Variants in FDPS observed in about 807,000 individuals in gnomAD.
The protein encoded by FDPS is farnesyl diphosphate synthase.
Under a neutral mutation model 49.5 loss-of-function variants are expected in FDPS, and 29 were observed. The observed-to-expected ratio is 0.59, with a 90% CI of 0.44 to 0.80. FDPS has a LOEUF of 0.80. FDPS is among the 30% of genes least tolerant of loss of function. The pLI is 0.00. For synonymous variants in FDPS, 172 were observed against 206.4 expected (o/e 0.83, Z 1.43); for missense variants, 414 against 525.6 (o/e 0.79, Z 2.08).
intron 4 of FDPS, among the ~76,000 whole-genome samples, chr1:155,316,336 G>A (rs996469056): frequency 6.6e-6 from 1 of 151,976 alleles, no homozygotes; most frequent in African/African-American, 2.4e-5. Context: ...ACCATGTCTT[G>A]AGCTGGGTGC....
At position 155,310,190 on chromosome 1, in the gene FDPS, T is replaced by C. The variant is rs1459110829; in HGVS notation, c.324T>C (p.Ile108=). The C allele has an allele frequency of 1.2e-6, 2 of 1,613,794 alleles. No individual in the cohort carries two copies. Among genetic ancestry groups the C allele is most frequent in the African/African-American group, 2.7e-5 (2 of 74,922 alleles). The change falls in exon 3 of 11, where the codon ATT becomes ATC. Residue 108 remains isoleucine (I), a synonymous_variant. Transcript: ENST00000368356. ...EMGHPEIGDA[I]ARLKEVLEYN... ...GGCACCCAGAGATAGGAGATGCTAT[T>C]GCCCGGCTCAAGGAGGTGAGGGATT...
At chr1:155,311,478 C>G (rs1648793099) in intron 3 of FDPS, among the ~76,000 whole-genome samples, 1 of 152,060 alleles carries the variant, frequency 6.6e-6, no homozygotes, top group Non-Finnish European at 1.5e-5. Flanking sequence ...TTTGGAGAGG[C>G]TTTGTTTTAA....
rs1220206631 is a variant in FDPS, at chr1:155,318,807, C to T, written c.774-49C>T. 1.9e-6 allele frequency: 3 copies of T among 1,582,068 alleles called. No homozygotes were observed. The highest frequency in any genetic ancestry group is 3.3e-5 in the Admixed American group (2 of 59,918). On this transcript the variant is annotated intron_variant, in intron 7 of 10. Coordinates refer to ENST00000368356, the MANE Select transcript of FDPS (RefSeq NM_002004.4). The surrounding 1 kb of genome is among the most constrained non-coding windows in gnomAD (Gnocchi z 4.2). ...CATGTCTGGACAGCGAGGGAGGGCT[C>T]AGGATGTGCATTGCCCTCCTGAGGA... is the stretch of plus-strand genomic sequence containing the variant.
chr1:155,320,207 A>G (rs1276335163), intron 10 of FDPS: 3 of 646,602 alleles, frequency 4.6e-6, no homozygotes, highest in African/African-American at 3.7e-5. Flanking sequence ...CCTGGAGTAG[A>G]GGATGCCTGG....
At chr1:155,310,810 A>C (rs1648722112) in intron 3 of FDPS, among the ~76,000 whole-genome samples, 1 of 152,198 alleles carries the variant, frequency 6.6e-6, no homozygotes, top group Admixed American at 6.5e-5. Context: ...TTAGGTTGGC[A>C]GAGACCGGGG....
chr1:155,312,848 A>G (rs1191139483), intron 4 of FDPS: 3 of 158,252 alleles, frequency 1.9e-5, no homozygotes, highest in Admixed American at 6.1e-5. Context: ...ATGTGGTGGC[A>G]CATGCCTGTA....
intron 4 of FDPS, chr1:155,312,901 C>A (rs1648946123): frequency 6.5e-6 from 1 of 152,720 alleles, no homozygotes; most frequent in Non-Finnish European, 1.5e-5. Context: ...ATCGCTTGAA[C>A]CTGGGAGGCA....
At position 155,318,554 on chromosome 1, in the gene FDPS, C is replaced by G; in HGVS notation, c.685-111C>G. 1.1e-6 allele frequency: 1 copy of G among 926,852 alleles called. No homozygotes were observed. 57.4% of individuals were successfully genotyped at this position (926,852 alleles called of 1,614,324 possible). A position where few individuals can be genotyped will look rare whatever the true frequency, so the allele number is the denominator to read the frequency against. Reference sequence around the variant, plus strand: ...TTTGGGGCTTTCTCCCCTTCTGTTGCCTTTCTGATTCTGCCCAGTTGTCAG... The same window carrying G: ...TTTGGGGCTTTCTCCCCTTCTGTTGGCTTTCTGATTCTGCCCAGTTGTCAG... On this transcript the variant is annotated intron_variant, in intron 6 of 10. Coordinates refer to ENST00000368356, the MANE Select transcript of FDPS (RefSeq NM_002004.4). The surrounding 1 kb of genome is among the most constrained non-coding windows in gnomAD (Gnocchi z 4.2).
intron 4 of FDPS, 42 bp downstream of exon 4, chr1:155,312,437 G>C: frequency 6.3e-7 from 1 of 1,592,554 alleles, no homozygotes; most frequent in Non-Finnish European, 8.6e-7. Flanking sequence ...TCCTGCAATG[G>C]TGGTGACTTG....
At chr1:155,319,177 A>G (rs1488653053) in intron 8 of FDPS, among the ~76,000 whole-genome samples, 1 of 152,200 alleles carries the variant, frequency 6.6e-6, no homozygotes, top group East Asian at 1.9e-4. Context: ...CCTGTATCTG[A>G]GTATGGATAG....
intron 4 of FDPS, among the ~76,000 whole-genome samples, chr1:155,314,350 CT>C (rs35440601): frequency 7.0e-4 from 100 of 142,788 alleles, no homozygotes; most frequent in Middle Eastern, 3.6e-3. Flanking sequence ...CTCTACTTGG[CT>C]TTTTTTTTTT....
chr1:155,318,113 C>G lies in FDPS; in HGVS notation c.562-56C>G. ...TGGTTGAGGTGTTGGGGTGATGGCT[C>G]TTAGTATGAACCGAGACTAGAGATT... On this transcript the variant is annotated intron_variant, in intron 5 of 10. Coordinates refer to ENST00000368356, the MANE Select transcript of FDPS (RefSeq NM_002004.4). The surrounding 1 kb of genome is among the most constrained non-coding windows in gnomAD (Gnocchi z 4.2). 5 of 1,613,800 alleles carry G rather than the reference C, an allele frequency of 3.1e-6. No homozygotes were observed. The highest frequency in any genetic ancestry group is 2.2e-5 in the East Asian group (1 of 44,886).
chr1:155,318,266 T>G lies in FDPS; in HGVS notation c.659T>G (p.Leu220Arg), dbSNP rs758752761. ...KLYCREQPYY[L>R]NLIELFLQSS... ...TATTGCCGGGAGCAGCCCTATTACC[T>G]GAACCTGATCGAGCTCTTCCTGCAG... The change falls in exon 6 of 11, where the codon CTG becomes CGG. Residue 220 changes from leucine to arginine, a missense_variant. Transcript: ENST00000368356. This position sits in a 1 kb window ranked among gnomAD's most constrained non-coding sequence, Gnocchi z 4.2. 6.2e-7 allele frequency: 1 copy of G among 1,613,176 alleles called. No individual in the cohort carries two copies. Among genetic ancestry groups the G allele is most frequent in the Non-Finnish European group, 8.5e-7 (1 of 1,180,036 alleles).
intron 4 of FDPS, among the ~76,000 whole-genome samples, chr1:155,313,275 C>T (rs1648991475): frequency 6.6e-6 from 1 of 152,202 alleles, no homozygotes; most frequent in Non-Finnish European, 1.5e-5. Context: ...ATCCCCACAT[C>T]CCCTTGTCTT....
At position 155,310,076 on chromosome 1, in the gene FDPS, C is replaced by G; in HGVS notation, c.210C>G (p.Asp70Glu). 6.2e-7 allele frequency: 1 copy of G among 1,613,938 alleles called. No individual in the cohort carries two copies. Among genetic ancestry groups the G allele is most frequent in the African/African-American group, 1.3e-5 (1 of 75,022 alleles). The change falls in exon 3 of 11, where the codon GAC (aspartate) becomes GAG (glutamate). Residue 70 changes from aspartate to glutamate, a missense_variant. Transcript: ENST00000368356. ...GCTCCTCCCTCAGAATGAACGGAGA[C>G]CAGAATTCAGATGTTTATGCCCAAG... is the stretch of plus-strand genomic sequence containing the variant. ...ALCSSLRMNG[D>E]QNSDVYAQEK... is the part of the protein sequence containing the mutation.
At position 155,312,301 on chromosome 1, in the gene FDPS, C is replaced by T. The variant is rs752341142; in HGVS notation, c.386C>T (p.Thr129Met). The T allele has an allele frequency of 3.7e-5, 59 of 1,613,972 alleles. No individual in the cohort carries two copies. Among genetic ancestry groups the T allele is most frequent in the South Asian group, 1.9e-4 (17 of 91,090 alleles). The change falls in exon 4 of 11, where the codon ACG becomes ATG. Residue 129 changes from threonine to methionine, a missense_variant. Coordinates refer to ENST00000368356, the MANE Select transcript of FDPS (RefSeq NM_002004.4). ...AIGGKYNRGLTVVVAFRELVE... is the reference protein window; with the variant it reads ...AIGGKYNRGLMVVVAFRELVE... ...GGAGGCAAGTATAACCGGGGTTTGACGGTGGTAGTAGCATTCCGGGAGCTG... is the reference window on the plus strand; with the variant it reads ...GGAGGCAAGTATAACCGGGGTTTGATGGTGGTAGTAGCATTCCGGGAGCTG...
In FDPS at chr1:155,317,977, G is replaced by A. The variant is rs533042404; in HGVS notation, c.517G>A (p.Asp173Asn). 3.1e-6 allele frequency: 5 copies of A among 1,613,346 alleles called. No individual in the cohort carries two copies. Among genetic ancestry groups the A allele is most frequent in the Non-Finnish European group, 2.5e-6 (3 of 1,180,040 alleles). The change falls in exon 5 of 11, where the codon GAT becomes AAT. Residue 173 changes from aspartate (D) to asparagine (N), a missense_variant. Physicochemically the swap from Asp to Asn is conservative, Grantham distance 23. Transcript: ENST00000368356. ...AFFLVADDIM[D>N]SSLTRRGQIC... Reference sequence around the variant, plus strand: ...CTTCCTGGTGGCAGATGACATCATGGATTCATCCCTTACCCGCCGGGGACA... The same window carrying A: ...CTTCCTGGTGGCAGATGACATCATGAATTCATCCCTTACCCGCCGGGGACA...
chr1:155,317,834 C>T (rs930411922), intron 4 of FDPS, 107 bp from the exon 5 acceptor site: 7 of 840,812 alleles, frequency 8.3e-6, no homozygotes, highest in African/African-American at 1.7e-5. Context: ...GACTCTGTCC[C>T]CTACCAAAAA....
chr1:155,318,386 TTGCAGCG>T lies in FDPS; in HGVS notation c.684+99_684+105del, dbSNP rs1336694534. The T allele has an allele frequency of 1.3e-6, 2 of 1,507,014 alleles. No homozygotes were observed. Among genetic ancestry groups the T allele is most frequent in the Non-Finnish European group, 1.8e-6 (2 of 1,102,876 alleles). 93.4% of individuals were successfully genotyped at this position (1,507,014 alleles called of 1,614,324 possible). On this transcript the variant is annotated intron_variant, in intron 6 of 10. Coordinates refer to ENST00000368356, the MANE Select transcript of FDPS (RefSeq NM_002004.4). The surrounding 1 kb of genome is among the most constrained non-coding windows in gnomAD (Gnocchi z 4.2). Reference sequence around the variant, plus strand: ...ATCTAGCTGGTTTCAGGGTACAGGATTGCAGCGTGCCTGGAAGGGAAAGAAAGCGAGG... The same window carrying T: ...ATCTAGCTGGTTTCAGGGTACAGGATTGCCTGGAAGGGAAAGAAAGCGAGG...
Sources: allele counts gnomAD v4.1 joint callset (sites outside exome capture counted in the v4.1 genomes callset), GRCh38; gene constraint gnomAD v4.1.1; non-coding constraint Gnocchi (gnomAD v3.1); transcripts MANE v1.5; gene names NCBI Gene and HGNC (gene_info 2026-07-23, HGNC 2026-07-21).